The following RGS12 variants were observed in gnomAD, a reference collection of about 807,000 sequenced individuals.
RGS12 encodes regulator of G protein signaling 12.
RGS12 carries 66 observed loss-of-function variants against 120.1 expected under a neutral mutation model. That is an observed-to-expected ratio of 0.55 (90% CI 0.45 to 0.67). The LOEUF is 0.67. Ranked by LOEUF, RGS12 falls within the 30% of genes least tolerant of loss-of-function variation. The pLI, the probability that RGS12 is intolerant of heterozygous loss-of-function variation, is 0.00. For missense variants in RGS12, 1,859 were observed against 1,957.7 expected, an observed-to-expected ratio of 0.95 and a Z score of 0.95; for synonymous variants, 827 against 804.7, an observed-to-expected ratio of 1.03 and a Z score of -0.47.
intron 1 of RGS12, among the ~76,000 whole-genome samples, chr4:3,307,177 C>G (rs1042820801): frequency 6.6e-6 from 1 of 152,236 alleles, no homozygotes; most frequent in African/African-American, 2.4e-5. Flanking sequence ...TTTTCTGGTC[C>G]TAGGATACGG....
At chr4:3,402,736 AAGAAT>A (rs1434220813) in intron 4 of RGS12, among the ~76,000 whole-genome samples, 1 of 152,242 alleles carries the variant, frequency 6.6e-6, no homozygotes, top group Non-Finnish European at 1.5e-5. Flanking sequence ...CCACTGGCAC[AAGAAT>A]AGAAGAAGAA....
chr4:3,430,741 C>A lies in RGS12; in HGVS notation c.3900C>A (p.Cys1300Ter). 1 of 1,604,222 alleles carries A rather than the reference C, an allele frequency of 6.2e-7. No homozygotes were observed. The highest frequency in any genetic ancestry group is 1.1e-5 in the South Asian group (1 of 89,624). Reference protein sequence around the residue: ...PGQKSPSGPFCTPQSPVSLAQ... With the variant: ...PGQKSPSGPF ...AGAAGTCTCCCAGCGGGCCCTTCTGCACTCCCCAGTCCCCCGTCTCCCTCG... is the reference window on the plus strand; with the variant it reads ...AGAAGTCTCCCAGCGGGCCCTTCTGAACTCCCCAGTCCCCCGTCTCCCTCG... Residue 1300 changes from cysteine to a stop codon, truncating the protein, a stop_gained, in exon 17 of 18, where the codon TGC becomes TGA. Transcript: ENST00000336727. LOFTEE classifies it high-confidence loss of function.
At position 3,428,281 on chromosome 4, in the gene RGS12, C is replaced by A; in HGVS notation, c.3411+112C>A. 2.0e-6 allele frequency: 2 copies of A among 1,020,936 alleles called. 1 individual carries two copies. The highest frequency in any genetic ancestry group is 2.6e-5 in the South Asian group (2 of 78,220). The allele number at this position is 1,020,936 out of a possible 1,614,324, so 63.2% of individuals were successfully genotyped here. A position where few individuals can be genotyped will look rare whatever the true frequency, so the allele number is the denominator to read the frequency against. ...CCGCCTGCTTATCACTGTGTGTCTC[C>A]CCCACGCTCCTTGGCGGGGTCTCTC... is the stretch of plus-strand genomic sequence containing the variant. On this transcript the variant is annotated intron_variant, in intron 15 of 17. Transcript: ENST00000336727.
Position 3,374,063 on chromosome 4 carries a change from C to T in RGS12, c.1999-12353C>T, listed in dbSNP as rs995998006. On this transcript the variant is annotated intron_variant, in intron 3 of 17. Transcript: ENST00000336727. The surrounding 1 kb of genome is among the most constrained non-coding windows in gnomAD (Gnocchi z 6.3). ...GGAGGAAGGCAGCGAGCCCGCTTGG[C>T]GAGGCCCTTGAGCACTCAGCACCTT... Among the ~76,000 whole-genome samples, 11 of 152,340 alleles carry T rather than the reference C, an allele frequency of 7.2e-5. No individual in the cohort carries two copies. The highest frequency in any genetic ancestry group is 3.3e-4 in the Admixed American group (5 of 15,308).
intron 4 of RGS12, chr4:3,407,374 C>A (rs959477135): frequency 1.3e-5 from 2 of 152,272 alleles, no homozygotes; most frequent in African/African-American, 4.8e-5. Flanking sequence ...GTGCTGGGAT[C>A]GCGGGAGAAA....
intron 3 of RGS12, among the ~76,000 whole-genome samples, chr4:3,382,983 TG>T (rs1718425722): frequency 6.6e-6 from 1 of 152,142 alleles, no homozygotes; most frequent in Non-Finnish European, 1.5e-5. Flanking sequence ...GGCTTCTCCT[TG>T]GGTTTTTCAT....
intron 1 of RGS12, among the ~76,000 whole-genome samples, chr4:3,308,405 G>A (rs939939270): frequency 3.3e-5 from 5 of 152,122 alleles, no homozygotes; most frequent in South Asian, 2.1e-4. Flanking sequence ...TGCTGCAGGC[G>A]GGCCGTGGCA....
In RGS12 at chr4:3,328,000, C is replaced by A. The variant is rs147083562; in HGVS notation, c.1881+9949C>A. On this transcript the variant is annotated intron_variant, in intron 2 of 17. Transcript: ENST00000336727. ...GTATGGAATCAACCTAAGTGTCCAT[C>A]GGTGGATGAATGGATAAAGGAAACA... Among the ~76,000 whole-genome samples, 147 of 152,272 alleles carry A rather than the reference C, an allele frequency of 9.7e-4. 1 individual carries two copies. Among genetic ancestry groups the A allele is most frequent in the African/African-American group, 3.4e-3 (142 of 41,536 alleles).
intron 4 of RGS12, among the ~76,000 whole-genome samples, chr4:3,403,118 A>G (rs954517083): frequency 6.6e-6 from 1 of 152,246 alleles, no homozygotes; most frequent in Non-Finnish European, 1.5e-5. Context: ...GGGCTCTGGC[A>G]GCATTTCACC....
At chr4:3,356,186 C>A (rs1435303564) in intron 3 of RGS12, among the ~76,000 whole-genome samples, 1 of 151,534 alleles carries the variant, frequency 6.6e-6, no homozygotes, top group African/African-American at 2.4e-5. Flanking sequence ...CCTCATATAG[C>A]TGGGAGTACA....
chr4:3,416,399 G>A lies in RGS12; in HGVS notation c.2427+278G>A, dbSNP rs143063125. ...GCTGGCTCATGTTTCGATCCTGTGC[G>A]TGTGTGGAATCACACCTGCCTGGGG... On this transcript the variant is annotated intron_variant, in intron 7 of 17. Transcript: ENST00000336727. Among the ~76,000 whole-genome samples the A allele has an allele frequency of 3.1e-3, 468 of 152,294 alleles. 7 individuals carry two copies. Among genetic ancestry groups the A allele is most frequent in the East Asian group, 0.02 (106 of 5,186 alleles).
rs1279578603 is a variant in RGS12 at position 3,389,419 on chromosome 4, G to A, written c.2020+2982G>A. Among the ~76,000 whole-genome samples, 1 of 152,214 alleles carries A rather than the reference G, an allele frequency of 6.6e-6. No individual in the cohort carries two copies. The highest frequency in any genetic ancestry group is 1.5e-5 in the Non-Finnish European group (1 of 68,036). ...CTTGTGGGAAGTTATTCAGACAGAAGTGTGAGGTCGAGCTGGAGGGAGATG... is the reference window on the plus strand; with the variant it reads ...CTTGTGGGAAGTTATTCAGACAGAAATGTGAGGTCGAGCTGGAGGGAGATG... On this transcript the variant is annotated intron_variant, in intron 4 of 17. Coordinates refer to ENST00000336727, the MANE Select transcript of RGS12 (RefSeq NM_001394154.1). This position sits in a 1 kb window ranked among gnomAD's most constrained non-coding sequence, Gnocchi z 5.2.
chr4:3,435,593 C>T (rs1577112579), intron 17 of RGS12, among the ~76,000 whole-genome samples: 1 of 151,938 alleles, frequency 6.6e-6, no homozygotes. Flanking sequence ...TGTCTCCCCC[C>T]AGCATCTCCT....
rs369691841 is a variant in RGS12, at chr4:3,370,455, A to G, written c.1999-15961A>G. ...AGGATAAGCTTTGGAAATGGTTTTC[A>G]TGTGTCTGCACCACAGCTCAAAGCG... On this transcript the variant is annotated intron_variant, in intron 3 of 17. Coordinates refer to ENST00000336727, the MANE Select transcript of RGS12 (RefSeq NM_001394154.1). 8.3e-5 allele frequency: 73 copies of G among 884,220 alleles called. 1 individual carries two copies. The highest frequency in any genetic ancestry group is 7.4e-4 in the East Asian group (30 of 40,514). 54.8% of individuals were successfully genotyped at this position (884,220 alleles called of 1,614,324 possible).
Position 3,317,402 on chromosome 4 carries a change from A to T in RGS12, c.1232A>T (p.Asp411Val). ...RARAFLDGDA[D>V]AHQNNSTSSN... ...CGCGCCTTTCTGGACGGGGACGCCG[A>T]TGCCCACCAGAACAACAGCACCAGC... The change falls in exon 2 of 18, where the codon GAT becomes GTT. Residue 411 changes from aspartate to valine, a missense_variant. This residue lies in a region of RGS12 where 967 missense variants were observed against 994.2 expected (regional missense o/e 0.97). Transcript: ENST00000336727. 6.2e-7 allele frequency: 1 copy of T among 1,614,054 alleles called. No homozygotes were observed. Among genetic ancestry groups the T allele is most frequent in the Non-Finnish European group, 8.5e-7 (1 of 1,180,032 alleles).
intron 4 of RGS12, among the ~76,000 whole-genome samples, chr4:3,410,389 G>T (rs189550837): frequency 6.6e-6 from 1 of 152,350 alleles, no homozygotes; most frequent in Non-Finnish European, 1.5e-5. Flanking sequence ...TAAATAGGTA[G>T]TATGTGCCCA....
chr4:3,287,771 C>T, the RGS12 span, among the ~76,000 whole-genome samples: 3 of 152,242 alleles, frequency 2.0e-5, no homozygotes, highest in African/African-American at 4.8e-5. Flanking sequence ...TTCCACAACA[C>T]GGGCACAGGA....
chr4:3,299,417 G>A (rs1322609890), intron 1 of RGS12, among the ~76,000 whole-genome samples: 1 of 151,904 alleles, frequency 6.6e-6, no homozygotes, highest in Non-Finnish European at 1.5e-5. Context: ...GTTTTAGTTG[G>A]TGCAGCTCTC....
At chr4:3,292,905 C>A (rs1723115431), upstream of RGS12, 1 of 150,632 alleles carries the variant, frequency 6.6e-6, no homozygotes, top group Non-Finnish European at 1.5e-5. Flanking sequence ...GCCCCCGCAT[C>A]GCCCCGCCCC....
Sources: gnomAD v4.1 joint callset for allele counts (sites outside exome capture counted in the v4.1 genomes callset) on GRCh38, gnomAD v4.1.1 for gene constraint, gnomAD v4.1.1 regional missense constraint, Gnocchi (gnomAD v3.1) non-coding constraint, MANE v1.5 for transcripts, NCBI Gene and HGNC (gene_info 2026-07-23, HGNC 2026-07-21) for gene names.